RXFP2: variants seen among roughly 807,000 people sequenced by gnomAD.
The protein encoded by RXFP2 is relaxin family peptide receptor 2.
Under a neutral mutation model 88.6 loss-of-function variants are expected in RXFP2, and 68 were observed. The observed-to-expected ratio is 0.77, with a 90% CI of 0.63 to 0.94. The LOEUF (loss-of-function observed/expected upper bound fraction) is 0.94, where lower values mean the gene tolerates loss of function less well. Ranked by LOEUF, RXFP2 falls within the 40% of genes least tolerant of loss-of-function variation. The pLI is 0.00. For missense variants in RXFP2, 791 were observed against 893.9 expected (o/e 0.88, Z 1.47); for synonymous variants, 329 against 306.8 (o/e 1.07, Z -0.76).
intron 11 of RXFP2, among the ~76,000 whole-genome samples, chr13:31,785,214 T>C (rs940562134): frequency 4.6e-5 from 7 of 152,110 alleles, no homozygotes; most frequent in African/African-American, 1.4e-4. Context: ...GGGACTTGGA[T>C]GCTTGGACTC....
chr13:31,759,329 A>T (rs1872139130), intron 2 of RXFP2, among the ~76,000 whole-genome samples: 2 of 150,674 alleles, frequency 1.3e-5, no homozygotes, highest in Admixed American at 6.6e-5. Context: ...GGATACTTCA[A>T]GGATGTAACC....
rs769441721 is a variant in RXFP2 at position 31,786,580 on chromosome 13, A to G, written c.1016A>G (p.Asn339Ser). 6.2e-7 allele frequency: 1 copy of G among 1,602,714 alleles called. No homozygotes were observed. Among genetic ancestry groups the G allele is most frequent in the Non-Finnish European group, 8.5e-7 (1 of 1,171,026 alleles). ...KLLQKLNLSSNPLMYLHKNQF... is the reference protein window; with the variant it reads ...KLLQKLNLSSSPLMYLHKNQF... ...AAAAAAAAAAGGAACCTGTCATCCA[A>G]TCCTCTTATGTATCTTCACAAGAAC... The change falls in exon 13 of 18, where the codon AAT becomes AGT. Residue 339 changes from asparagine to serine, a missense_variant. Asn to Ser is a conservative substitution (Grantham distance 46). Transcript: ENST00000298386.
intron 1 of RXFP2, among the ~76,000 whole-genome samples, chr13:31,757,489 C>T (rs776729135): frequency 3.9e-5 from 6 of 152,206 alleles, no homozygotes; most frequent in Admixed American, 6.5e-5. Context: ...AATTCTAGTT[C>T]CCCTCTTTCT....
intron 14 of RXFP2, among the ~76,000 whole-genome samples, chr13:31,791,567 C>T (rs1346682899): frequency 1.3e-5 from 2 of 152,176 alleles, no homozygotes; most frequent in Non-Finnish European, 2.9e-5. Context: ...TTTTCATGTC[C>T]TCCCAAACTC....
intron 7 of RXFP2, among the ~76,000 whole-genome samples, chr13:31,775,842 G>A (rs1593460866): frequency 6.6e-6 from 1 of 152,346 alleles, no homozygotes; most frequent in Non-Finnish European, 1.5e-5. Flanking sequence ...CACCAGCTCC[G>A]TTCCAAGAAA....
chr13:31,759,774 A>G (rs1260331806), intron 2 of RXFP2, among the ~76,000 whole-genome samples: 1 of 152,050 alleles, frequency 6.6e-6, no homozygotes, highest in Non-Finnish European at 1.5e-5. Flanking sequence ...CTGCCCAACC[A>G]TCCATCAAAG....
intron 17 of RXFP2, 49 bp downstream of exon 17, chr13:31,797,468 G>A (rs754509595): frequency 1.2e-5 from 17 of 1,400,412 alleles, no homozygotes; most frequent in Middle Eastern, 2.1e-4. Context: ...GCCTTCTTAC[G>A]TCCTTCTTTT....
rs938164951 is a variant in RXFP2, at chr13:31,782,557, C to G, written c.858-119C>G. 18 of 773,680 alleles carry G rather than the reference C, an allele frequency of 2.3e-5. 1 individual carries two copies. The highest frequency in any genetic ancestry group is 2.3e-4 in the Middle Eastern group (1 of 4,418). 47.9% of individuals were successfully genotyped at this position (773,680 alleles called of 1,614,324 possible). A position where few individuals can be genotyped will look rare whatever the true frequency, so the allele number is the denominator to read the frequency against. Reference sequence around the variant, plus strand: ...TTAGTTTCCACTCCAAAAGATGCCTCCCTTGAAGACTTCAAAGGAGGCTTA... The same window carrying G: ...TTAGTTTCCACTCCAAAAGATGCCTGCCTTGAAGACTTCAAAGGAGGCTTA... On this transcript the variant is annotated intron_variant, in intron 10 of 17. Transcript: ENST00000298386.
chr13:31,802,593 G>A lies in RXFP2; in HGVS notation c.*188G>A. On this transcript the variant is annotated 3_prime_UTR_variant, in exon 18 of 18. Transcript: ENST00000298386. Reference sequence around the variant, plus strand: ...CTATCTACCAACCATGCTGAGGACAGCACCAAAGGTTCCTCTCCTCACCCC... The same window carrying A: ...CTATCTACCAACCATGCTGAGGACAACACCAAAGGTTCCTCTCCTCACCCC... The A allele has an allele frequency of 3.0e-6, 2 of 663,148 alleles. No individual in the cohort carries two copies. The highest frequency in any genetic ancestry group is 2.6e-6 in the Non-Finnish European group (1 of 378,782). The allele number at this position is 663,148 out of a possible 1,614,324, so 41.1% of individuals were successfully genotyped here.
chr13:31,783,170 G>C (rs910521720), intron 11 of RXFP2, among the ~76,000 whole-genome samples: 1 of 152,178 alleles, frequency 6.6e-6, no homozygotes, highest in African/African-American at 2.4e-5. Context: ...ACTAGTCCTT[G>C]AGAAATTATG....
chr13:31,794,341 TA>T (rs1049681921), intron 16 of RXFP2, among the ~76,000 whole-genome samples: 6 of 149,490 alleles, frequency 4.0e-5, no homozygotes, highest in African/African-American at 1.5e-4. Context: ...TAGGTGCACT[TA>T]ATAGAGACTC....
chr13:31,755,075 C>G (rs1174973111), intron 1 of RXFP2, among the ~76,000 whole-genome samples: 3 of 152,204 alleles, frequency 2.0e-5, no homozygotes, highest in Non-Finnish European at 4.4e-5. Flanking sequence ...AAGGGAGATG[C>G]TCTCATTAAT....
At chr13:31,773,511 AT>A (rs1872809506) in intron 5 of RXFP2, among the ~76,000 whole-genome samples, 1 of 150,598 alleles carries the variant, frequency 6.6e-6, no homozygotes, top group African/African-American at 2.5e-5. Flanking sequence ...CATCTTTACC[AT>A]TTTTAAGTGT....
Position 31,786,631 on chromosome 13 carries a change from A to G in RXFP2, c.1067A>G (p.Gln356Arg), listed in dbSNP as rs1246634694. Residue 356 changes from glutamine (Q) to arginine (R), a missense_variant, in exon 13 of 18, where the codon CAG (glutamine) becomes CGG (arginine). By Grantham distance (43) the Gln-to-Arg change is conservative (BLOSUM62 1). Coordinates refer to ENST00000298386, the MANE Select transcript of RXFP2 (RefSeq NM_130806.5). The stretch of plus-strand genomic sequence containing the variant: ...CAGTTTGAAAGTCTTAAACAACTTC[A>G]GTCTCTGTAAGTGAAATATTACAAT... ...KNQFESLKQLQSLDLERIEIP... is the reference protein window; with the variant it reads ...KNQFESLKQLRSLDLERIEIP... 1 of 1,541,562 alleles carries G rather than the reference A, an allele frequency of 6.5e-7. No homozygotes were observed. Among genetic ancestry groups the G allele is most frequent in the Non-Finnish European group, 9.0e-7 (1 of 1,114,508 alleles).
intron 17 of RXFP2, among the ~76,000 whole-genome samples, chr13:31,798,774 C>T (rs115409478): frequency 4.6e-5 from 7 of 152,254 alleles, no homozygotes; most frequent in Admixed American, 1.3e-4. Flanking sequence ...AAGACACCAG[C>T]CTTTCCTGAA....
intron 1 of RXFP2, among the ~76,000 whole-genome samples, chr13:31,746,968 A>C (rs1421237366): frequency 6.6e-6 from 1 of 152,012 alleles, no homozygotes; most frequent in African/African-American, 2.4e-5. Flanking sequence ...GAAAAGGATA[A>C]TAATCTACAC....
At position 31,768,314 on chromosome 13, in the gene RXFP2, A is replaced by C. The variant is rs370041366; in HGVS notation, c.497+2287A>C. On this transcript the variant is annotated intron_variant, in intron 5 of 17. Coordinates refer to ENST00000298386, the MANE Select transcript of RXFP2 (RefSeq NM_130806.5). Reference sequence around the variant, plus strand: ...GAGGTTATGAGACTCTCATCAATAAACATTCACCAAGTGTCTATTATATGT... The same window carrying C: ...GAGGTTATGAGACTCTCATCAATAACCATTCACCAAGTGTCTATTATATGT... 2.8e-4 allele frequency among the ~76,000 whole-genome samples: 42 copies of C among 152,306 alleles called. 1 individual carries two copies. In the East Asian group the frequency reaches 3.3e-3, roughly 12 times the overall value.
chr13:31,787,704 A>G (rs1873609842), intron 13 of RXFP2, among the ~76,000 whole-genome samples: 1 of 152,162 alleles, frequency 6.6e-6, no homozygotes, highest in South Asian at 2.1e-4. Flanking sequence ...CAATGGCACA[A>G]GCTTGGCTCA....
At chr13:31,776,107 T>TTTCTTTCC (rs1566227875) in intron 7 of RXFP2, among the ~76,000 whole-genome samples, 1 of 135,504 alleles carries the variant, frequency 7.4e-6, no homozygotes, top group Non-Finnish European at 1.6e-5. Context: ...TTTTCTTTTC[T>TTTCTTTCC]TTCTTTCTTT....
Sources: allele counts gnomAD v4.1 joint callset (sites outside exome capture counted in the v4.1 genomes callset), GRCh38; gene constraint gnomAD v4.1.1; transcripts MANE v1.5; gene names NCBI Gene and HGNC (gene_info 2026-07-23, HGNC 2026-07-21).